ENAH: variants seen among roughly 807,000 people sequenced by gnomAD.
ENAH encodes the protein protein enabled homolog.
A neutral mutation model predicts 78.7 loss-of-function variants in ENAH; 23 were observed. That is an observed-to-expected ratio of 0.29 (90% CI 0.21 to 0.41). ENAH has a LOEUF of 0.41. Ranked by LOEUF, ENAH falls within the 10% of genes least tolerant of loss-of-function variation. ENAH has a pLI of 1.00. For missense variants in ENAH, 544 were observed against 691.0 expected (o/e 0.79, Z 2.39); for synonymous variants, 226 against 241.0 (o/e 0.94, Z 0.58).
At chr1:225,520,584 G>A (rs1380549998) in intron 4 of ENAH, among the ~76,000 whole-genome samples, 1 of 152,044 alleles carries the variant, frequency 6.6e-6, no homozygotes, top group Non-Finnish European at 1.5e-5. Context: ...GTTGGTCTGG[G>A]AGCAGTGGCT....
intron 2 of ENAH, among the ~76,000 whole-genome samples, chr1:225,563,756 G>C (rs1298695371): frequency 6.6e-6 from 1 of 152,096 alleles, no homozygotes; most frequent in African/African-American, 2.4e-5. Context: ...AACGTGTTCT[G>C]TGTTTTGGAT....
At chr1:225,565,360 G>A (rs747441883) in intron 2 of ENAH, among the ~76,000 whole-genome samples, 5 of 151,990 alleles carry the variant, frequency 3.3e-5, no homozygotes, top group South Asian at 2.1e-4. Flanking sequence ...GCTTGAACCC[G>A]GGAAGGAGAG....
chr1:225,587,893 C>CGATT (rs1285523031), intron 1 of ENAH, among the ~76,000 whole-genome samples: 1 of 152,086 alleles, frequency 6.6e-6, no homozygotes, highest in Admixed American at 6.6e-5. Flanking sequence ...AAAAGATAAT[C>CGATT]TTTTCAATAA....
intron 1 of ENAH, among the ~76,000 whole-genome samples, chr1:225,573,590 T>C (rs1201167539): frequency 6.6e-6 from 1 of 151,846 alleles, no homozygotes; most frequent in African/African-American, 2.4e-5. Context: ...TTCAAGAAAG[T>C]GGCAGCAAAA....
intron 11 of ENAH, among the ~76,000 whole-genome samples, chr1:225,503,206 T>A (rs2096294681): frequency 6.6e-6 from 1 of 152,158 alleles, no homozygotes; most frequent in Admixed American, 6.5e-5. Flanking sequence ...TTTCTTAACT[T>A]TTACCAAAAA....
chr1:225,574,543 C>T (rs1040280528), intron 1 of ENAH, among the ~76,000 whole-genome samples: 10 of 151,476 alleles, frequency 6.6e-5, no homozygotes, highest in Admixed American at 5.9e-4. Flanking sequence ...CAGAGGTTGC[C>T]GTGAGCCAAC....
intron 4 of ENAH, among the ~76,000 whole-genome samples, chr1:225,521,780 T>TA (rs1558750432): frequency 6.6e-6 from 1 of 151,716 alleles, no homozygotes; most frequent in African/African-American, 2.4e-5. Flanking sequence ...GCTATAACGA[T>TA]AGTTTTTTTG....
chr1:225,552,522 C>T (rs1299478019), intron 3 of ENAH, among the ~76,000 whole-genome samples: 1 of 152,154 alleles, frequency 6.6e-6, no homozygotes, highest in Non-Finnish European at 1.5e-5. Context: ...TATTTAACTA[C>T]AGTAATTTAT....
intron 1 of ENAH, among the ~76,000 whole-genome samples, chr1:225,648,742 A>G (rs1178016628): frequency 1.3e-5 from 2 of 150,836 alleles, no homozygotes; most frequent in Non-Finnish European, 2.9e-5. Flanking sequence ...AATCCTGTGA[A>G]ATATAAGATT....
At position 225,597,655 on chromosome 1, in the gene ENAH, C is replaced by CAAAAAAAAAA. The variant is rs565567062; in HGVS notation, c.6-30251_6-30242dup. Among the ~76,000 whole-genome samples, 2 of 61,180 alleles carry CAAAAAAAAAA rather than the reference C, an allele frequency of 3.3e-5. 1 individual carries two copies. Among genetic ancestry groups the CAAAAAAAAAA allele is most frequent in the Non-Finnish European group, 7.6e-5 (2 of 26,192 alleles). The allele number at this position is 61,180 out of a possible 152,430, so 40.1% of individuals were successfully genotyped here. On this transcript the variant is annotated intron_variant, in intron 1 of 13. Transcript: ENST00000366843. The stretch of plus-strand genomic sequence containing the variant: ...CCTGGGCGACAGTGCAAGAGCATCT[C>CAAAAAAAAAA]AAAAAAAAAAAAAAAAAAAAAGACG...
At chr1:225,508,098 C>G (rs1337413930) in intron 10 of ENAH, 81 bp from the exon 11 acceptor site, 1 of 819,060 alleles carries the variant, frequency 1.2e-6, no homozygotes, top group Non-Finnish European at 1.8e-6. Flanking sequence ...AATACTAAAT[C>G]TCATTATACC....
At chr1:225,518,469 T>C (rs544089569) in intron 5 of ENAH, among the ~76,000 whole-genome samples, 1 of 152,332 alleles carries the variant, frequency 6.6e-6, no homozygotes, top group African/African-American at 2.4e-5. Flanking sequence ...TTTTGTTTTG[T>C]TGGCCATAAC....
At chr1:225,623,609 G>C (rs1186589782) in intron 1 of ENAH, among the ~76,000 whole-genome samples, 1 of 147,598 alleles carries the variant, frequency 6.8e-6, no homozygotes, top group Non-Finnish European at 1.5e-5. Flanking sequence ...TTTTTGAGAC[G>C]GAGTCTTGCT....
intron 3 of ENAH, among the ~76,000 whole-genome samples, chr1:225,545,198 A>C (rs1176282036): frequency 6.6e-6 from 1 of 152,208 alleles, no homozygotes; most frequent in Non-Finnish European, 1.5e-5. Flanking sequence ...ATCTACATTG[A>C]AGAGACAGAA....
chr1:225,541,707 T>C (rs1460780518), intron 3 of ENAH, among the ~76,000 whole-genome samples: 1 of 152,216 alleles, frequency 6.6e-6, no homozygotes, highest in East Asian at 1.9e-4. Flanking sequence ...GGTGGAATTT[T>C]CGGTATTTTT....
chr1:225,585,328 A>C (rs115109605), intron 1 of ENAH, among the ~76,000 whole-genome samples: 1 of 152,198 alleles, frequency 6.6e-6, no homozygotes, highest in Non-Finnish European at 1.5e-5. Context: ...TAGACAACAG[A>C]AGTACACAAA....
chr1:225,617,319 T>C (rs892535521), intron 1 of ENAH, among the ~76,000 whole-genome samples: 6 of 152,158 alleles, frequency 3.9e-5, no homozygotes, highest in South Asian at 2.1e-4. Context: ...TAAGCAAATA[T>C]GTAAGTGTAC....
At chr1:225,603,432 A>G (rs2096940207) in intron 1 of ENAH, among the ~76,000 whole-genome samples, 2 of 152,092 alleles carry the variant, frequency 1.3e-5, no homozygotes, top group African/African-American at 4.8e-5. Context: ...TTATTAATTT[A>G]ATAATTACAC....
chr1:225,584,036 C>A (rs1411906708), intron 1 of ENAH, among the ~76,000 whole-genome samples: 1 of 151,082 alleles, frequency 6.6e-6, no homozygotes, highest in African/African-American at 2.4e-5. Flanking sequence ...ACCTGTAATC[C>A]CAGCTATTTG....
Sources: gnomAD v4.1 joint callset for allele counts (sites outside exome capture counted in the v4.1 genomes callset) on GRCh38, gnomAD v4.1.1 for gene constraint, MANE v1.5 for transcripts, NCBI Gene and HGNC (gene_info 2026-07-23, HGNC 2026-07-21) for gene names.